The following MOB3B variants were observed in gnomAD, a reference collection of about 807,000 sequenced individuals.
MOB3B encodes MOB kinase activator-like 2B.
In MOB3B, 7 loss-of-function variants were observed where a neutral mutation model predicts 18.7. The ratio of observed to expected loss-of-function variants is 0.37; its 90% confidence interval spans 0.21 to 0.70. MOB3B has a LOEUF of 0.70. Among genes scored for constraint, MOB3B ranks in the 30% least tolerant of loss-of-function variants. The pLI, the probability that MOB3B is intolerant of heterozygous loss-of-function variation, is 0.52. For synonymous variants in MOB3B, 111 were observed against 99.9 expected (o/e 1.11, Z -0.66); for missense variants, 253 against 281.3 (o/e 0.90, Z 0.72).
At position 27,416,592 on chromosome 9, in the gene MOB3B, A is replaced by G. The variant is rs140231984; in HGVS notation, c.418+38541T>C. Among the ~76,000 whole-genome samples the G allele has an allele frequency of 1.9e-3, 232 of 121,388 alleles. 1 individual carries two copies. The highest frequency in any genetic ancestry group is 6.7e-3 in the African/African-American group (221 of 32,796). The allele number at this position is 121,388 out of a possible 152,430, so 79.6% of individuals were successfully genotyped here. A position where few individuals can be genotyped will look rare whatever the true frequency, so the allele number is the denominator to read the frequency against. On this transcript the variant is annotated intron_variant, in intron 2 of 3. Coordinates refer to ENST00000262244, the MANE Select transcript of MOB3B (RefSeq NM_024761.5). Reference sequence around the variant, plus strand: ...TTTTGAGATAGGGTCTTGCTCTGTCATCTAGTCTGGAGTGGAATGCCTTGA... The same window carrying G: ...TTTTGAGATAGGGTCTTGCTCTGTCGTCTAGTCTGGAGTGGAATGCCTTGA...
In MOB3B at chr9:27,505,866, T is replaced by C. The variant is rs571261387; in HGVS notation, c.-199+23689A>G. 5.0e-4 allele frequency among the ~76,000 whole-genome samples: 76 copies of C among 152,302 alleles called. 1 individual carries two copies. Among genetic ancestry groups the C allele is most frequent in the Admixed American group, 1.4e-3 (22 of 15,298 alleles). On this transcript the variant is annotated intron_variant, in intron 1 of 3. Transcript: ENST00000262244. ...AACTCATTTCCCGTAGAGCCATTTTTTCCCCCTCTCTCTTCCTTCTCTTTG... is the reference window on the plus strand; with the variant it reads ...AACTCATTTCCCGTAGAGCCATTTTCTCCCCCTCTCTCTTCCTTCTCTTTG...
intron 2 of MOB3B, among the ~76,000 whole-genome samples, chr9:27,388,422 C>A (rs1821676971): frequency 6.6e-6 from 1 of 152,162 alleles, no homozygotes. Context: ...TTAGTTCACT[C>A]ATTGAAATGT....
chr9:27,416,156 C>T (rs1380188200), intron 2 of MOB3B, among the ~76,000 whole-genome samples: 2 of 151,872 alleles, frequency 1.3e-5, no homozygotes, highest in Non-Finnish European at 2.9e-5. Context: ...TGAATAACTA[C>T]AGTTTAATAA....
intron 2 of MOB3B, among the ~76,000 whole-genome samples, chr9:27,384,507 G>C (rs776318615): frequency 4.6e-5 from 7 of 152,046 alleles, no homozygotes; most frequent in African/African-American, 7.2e-5. Flanking sequence ...AAAAAAATCT[G>C]GCCATTTGAC....
At chr9:27,342,679 G>T (rs1199802491) in intron 3 of MOB3B, among the ~76,000 whole-genome samples, 2 of 152,192 alleles carry the variant, frequency 1.3e-5, no homozygotes, top group Non-Finnish European at 2.9e-5. Context: ...TGTTGGCCGG[G>T]CTGGTCTCCA....
At chr9:27,368,396 GGAGA>G (rs1191712939) in intron 2 of MOB3B, among the ~76,000 whole-genome samples, 3 of 141,022 alleles carry the variant, frequency 2.1e-5, no homozygotes, top group African/African-American at 5.2e-5. Context: ...ATACAGAGAG[GGAGA>G]GAGAGAGAAG....
At chr9:27,368,216 C>A (rs1821365130) in intron 2 of MOB3B, among the ~76,000 whole-genome samples, 1 of 152,094 alleles carries the variant, frequency 6.6e-6, no homozygotes, top group Non-Finnish European at 1.5e-5. Flanking sequence ...AACACATGAA[C>A]AACACAGATG....
chr9:27,405,473 G>T (rs1427301962), intron 2 of MOB3B, among the ~76,000 whole-genome samples: 1 of 152,114 alleles, frequency 6.6e-6, no homozygotes, highest in East Asian at 1.9e-4. Flanking sequence ...TATATATTTT[G>T]GTTATTAATC....
chr9:27,391,539 G>A (rs1821727918), intron 2 of MOB3B, among the ~76,000 whole-genome samples: 2 of 152,198 alleles, frequency 1.3e-5, no homozygotes, highest in Non-Finnish European at 2.9e-5. Context: ...GGAAACCATA[G>A]ACATCAATTA....
Position 27,478,810 on chromosome 9 carries a change from GACACACACACACAC to G in MOB3B, c.-198-23076_-198-23063del, listed in dbSNP as rs34976107. On this transcript the variant is annotated intron_variant, in intron 1 of 3. Coordinates refer to ENST00000262244, the MANE Select transcript of MOB3B (RefSeq NM_024761.5). ...TACAAGTCCCAAGCAGGATTAAAAAGACACACACACACACACACACACACACACACACACACACA... is the reference window on the plus strand; with the variant it reads ...TACAAGTCCCAAGCAGGATTAAAAAGACACACACACACACACACACACACA... 8.1e-4 allele frequency among the ~76,000 whole-genome samples: 115 copies of G among 141,414 alleles called. 1 individual carries two copies. Among genetic ancestry groups the G allele is most frequent in the African/African-American group, 2.4e-3 (91 of 37,344 alleles). The allele number at this position is 141,414 out of a possible 152,430, so 92.8% of individuals were successfully genotyped here.
At chr9:27,474,040 C>T (rs763436338) in intron 1 of MOB3B, among the ~76,000 whole-genome samples, 171 of 152,162 alleles carry the variant, frequency 1.1e-3, no homozygotes, top group Non-Finnish European at 2.0e-3. Flanking sequence ...GGATTTCCAG[C>T]TTCCAGAACT....
intron 3 of MOB3B, among the ~76,000 whole-genome samples, chr9:27,345,194 A>G (rs924791003): frequency 6.6e-5 from 10 of 152,140 alleles, no homozygotes; most frequent in Non-Finnish European, 1.5e-4. Flanking sequence ...CATATGCTTG[A>G]AAGTTGTGGG....
chr9:27,330,260 G>A lies in MOB3B; in HGVS notation c.*327C>T, dbSNP rs1820767500. On this transcript the variant is annotated 3_prime_UTR_variant, in exon 4 of 4. Transcript: ENST00000262244. ...GTCTCAAAACCTGAATTCCAGTAAA[G>A]CTTAGGCGGCAGGTCACAGGCAGAA... is the stretch of plus-strand genomic sequence containing the variant. 4.2e-6 allele frequency: 1 copy of A among 237,352 alleles called. No individual in the cohort carries two copies. Among genetic ancestry groups the A allele is most frequent in the Non-Finnish European group, 8.1e-6 (1 of 123,478 alleles). 14.7% of individuals were successfully genotyped at this position (237,352 alleles called of 1,614,324 possible).
At chr9:27,506,832 A>ATTTTTTTTTTTTT (rs71492749) in intron 1 of MOB3B, among the ~76,000 whole-genome samples, 11 of 120,476 alleles carry the variant, frequency 9.1e-5, no homozygotes, top group Admixed American at 1.8e-4. Context: ...ACCCCGGCTA[A>ATTTTTTTTTTTTT]TTTTTTTTTT....
intron 2 of MOB3B, among the ~76,000 whole-genome samples, chr9:27,414,366 G>C (rs1234137204): frequency 6.6e-6 from 1 of 152,160 alleles, no homozygotes; most frequent in African/African-American, 2.4e-5. Flanking sequence ...CTGTGAACCC[G>C]GGGGGCTCGT....
At chr9:27,386,557 T>C (rs906525418) in intron 2 of MOB3B, among the ~76,000 whole-genome samples, 3 of 152,232 alleles carry the variant, frequency 2.0e-5, no homozygotes, top group African/African-American at 4.8e-5. Context: ...CTTCTCTCCT[T>C]AGAGAGATTC....
intron 2 of MOB3B, among the ~76,000 whole-genome samples, chr9:27,417,380 A>AAAAC (rs56379530): frequency 0.54 from 81,851 of 150,778 alleles, 23,435 homozygotes; most frequent in South Asian, 0.68. Context: ...AAAAGGAAAC[A>AAAAC]AAACAAACAA....
chr9:27,330,435 G>T lies in MOB3B; in HGVS notation c.*152C>A. The T allele has an allele frequency of 1.1e-6, 1 of 940,988 alleles. No individual in the cohort carries two copies. Among genetic ancestry groups the T allele is most frequent in the South Asian group, 1.7e-5 (1 of 58,328 alleles). The allele number at this position is 940,988 out of a possible 1,614,324, so 58.3% of individuals were successfully genotyped here. The stretch of plus-strand genomic sequence containing the variant: ...AGAAGGTTAAGAGCACACAAAGTGA[G>T]TGGGGAATGTCTCTCAGGAGTCACT... On this transcript the variant is annotated 3_prime_UTR_variant, in exon 4 of 4. Coordinates refer to ENST00000262244, the MANE Select transcript of MOB3B (RefSeq NM_024761.5).
rs550834850 is a variant in MOB3B, at chr9:27,501,115, G to A, written c.-199+28440C>T. ...GTCAGGAAACAACAGATGCTGGAGA[G>A]GATGTGGAGAAATAGGAATGCTATT... is the stretch of plus-strand genomic sequence containing the variant. On this transcript the variant is annotated intron_variant, in intron 1 of 3. Coordinates refer to ENST00000262244, the MANE Select transcript of MOB3B (RefSeq NM_024761.5). Among the ~76,000 whole-genome samples, 21 of 152,298 alleles carry A rather than the reference G, an allele frequency of 1.4e-4. No individual in the cohort carries two copies. The South Asian group carries it at 3.9e-3, about 29-fold the overall frequency.
Sources: gnomAD v4.1 joint callset for allele counts (sites outside exome capture counted in the v4.1 genomes callset) on GRCh38, gnomAD v4.1.1 for gene constraint, MANE v1.5 for transcripts, NCBI Gene and HGNC (gene_info 2026-07-23, HGNC 2026-07-21) for gene names.